The following DAGLB variants were observed in gnomAD, a reference collection of about 807,000 sequenced individuals.
DAGLB encodes the protein diacylglycerol lipase beta, also known as diacylglycerol lipase-beta.
DAGLB carries 66 observed loss-of-function variants against 72.1 expected under a neutral mutation model. The ratio of observed to expected loss-of-function variants is 0.92; its 90% confidence interval spans 0.75 to 1.12. DAGLB has a LOEUF of 1.12. Among genes scored for constraint, DAGLB ranks in the 50% most tolerant of loss-of-function variants. The probability of loss-of-function intolerance (pLI) is 0.00; values close to 1 mark genes in which losing one functional copy is unlikely to be tolerated. For synonymous variants in DAGLB, 414 were observed against 359.5 expected (o/e 1.15, Z -1.71); for missense variants, 1,065 against 884.9 (o/e 1.20, Z -2.58).
In DAGLB at chr7:6,434,950, G is replaced by A. The variant is rs1784607501; in HGVS notation, c.490C>T (p.Pro164Ser). ...VFDPLGGKMA[P>S]YSSAGPSHLD... ...TGGCTGGGGCCGGCAGAGGAATATG[G>A]AGCCATTTTCCCCCCAAGAGGGTCA... The change falls in exon 4 of 15, where the codon CCA becomes TCA. Residue 164 changes from proline to serine, a missense_variant. Pro to Ser is a moderately conservative substitution (Grantham distance 74). Transcript: ENST00000297056. 2 of 1,613,948 alleles carry A rather than the reference G, an allele frequency of 1.2e-6. No individual in the cohort carries two copies. Among genetic ancestry groups the A allele is most frequent in the African/African-American group, 1.3e-5 (1 of 74,882 alleles).
chr7:6,409,902 C>G lies in DAGLB; in HGVS notation c.1954G>C (p.Val652Leu). The change falls in exon 15 of 15, where the codon GTC becomes CTC. Residue 652 changes from valine to leucine, a missense_variant. Transcript: ENST00000297056. ...GAGACGCAGGCCGCTCTGTCGGAGA[C>G]CACGCTGTCCAAGGCCCGCATCAGG... ...DILMRALDSV[V>L]SDRAACVSCP... 1 of 1,614,112 alleles carries G rather than the reference C, an allele frequency of 6.2e-7. No individual in the cohort carries two copies.
intron 6 of DAGLB, 103 bp downstream of exon 6, chr7:6,430,377 T>G (rs986335385): frequency 7.7e-5 from 98 of 1,280,598 alleles, no homozygotes; most frequent in South Asian, 4.8e-4. Context: ...AAAGGATTCA[T>G]GGGAGTTCTT....
At chr7:6,439,654 G>C (rs1403945527) in intron 2 of DAGLB, among the ~76,000 whole-genome samples, 2 of 152,276 alleles carry the variant, frequency 1.3e-5, no homozygotes, top group East Asian at 3.9e-4. Flanking sequence ...TATGTCAAAA[G>C]GGTTCTTCTG....
At chr7:6,417,207 C>T (rs115507337) in intron 9 of DAGLB, 9,772 of 332,356 alleles carry the variant, frequency 0.029, 273 homozygotes, top group East Asian at 0.091. Context: ...CCAGCCTGGG[C>T]GACATAGTCT....
chr7:6,438,731 G>C (rs187230421), intron 2 of DAGLB, among the ~76,000 whole-genome samples: 34 of 152,312 alleles, frequency 2.2e-4, no homozygotes, highest in African/African-American at 7.5e-4. Context: ...CTCTGATTAA[G>C]GTTCCAGAAA....
rs1402677137 is a variant in DAGLB at position 6,409,158 on chromosome 7, T to C, written c.*679A>G. 1.9e-5 allele frequency: 3 copies of C among 153,868 alleles called. No individual in the cohort carries two copies. Among genetic ancestry groups the C allele is most frequent in the Non-Finnish European group, 2.9e-5 (2 of 69,198 alleles). 9.5% of individuals were successfully genotyped at this position (153,868 alleles called of 1,614,324 possible). ...GTGACGCGCGCTTTATTGTTTCAACTCCTGAATCCACTGGCCGACCCCAGA... is the reference window on the plus strand; with the variant it reads ...GTGACGCGCGCTTTATTGTTTCAACCCCTGAATCCACTGGCCGACCCCAGA... On this transcript the variant is annotated 3_prime_UTR_variant, in exon 15 of 15. Transcript: ENST00000297056.
intron 5 of DAGLB, among the ~76,000 whole-genome samples, chr7:6,432,484 C>T (rs1784515236): frequency 1.3e-5 from 2 of 150,256 alleles, no homozygotes; most frequent in Admixed American, 1.3e-4. Flanking sequence ...GGTGAAACCC[C>T]GTCTCTACTA....
At chr7:6,445,266 T>G (rs892854365) in intron 2 of DAGLB, among the ~76,000 whole-genome samples, 2 of 152,218 alleles carry the variant, frequency 1.3e-5, no homozygotes, top group Admixed American at 1.3e-4. Context: ...TAAAATGTGG[T>G]CCATTCATTC....
In DAGLB at chr7:6,426,091, T is replaced by C. The variant is rs766073926; in HGVS notation, c.953A>G (p.Tyr318Cys). The C allele has an allele frequency of 3.7e-6, 6 of 1,613,674 alleles. No individual in the cohort carries two copies. Among genetic ancestry groups the C allele is most frequent in the East Asian group, 4.5e-5 (2 of 44,884 alleles). The change falls in exon 7 of 15, where the codon TAT becomes TGT. Residue 318 changes from tyrosine to cysteine, a missense_variant. Transcript: ENST00000297056. ...GDCCRSRTTD[Y>C]DLVGGDQLNC... is the part of the protein sequence containing the mutation. ...GAGCTGATCGCCTCCGACCAAGTCA[T>C]AGTCTGTGGTTCTGCTTCTGCAGCT...
Position 6,413,293 on chromosome 7 carries a change from A to G in DAGLB, c.1428-259T>C, listed in dbSNP as rs116766804. Among the ~76,000 whole-genome samples the G allele has an allele frequency of 2.1e-3, 320 of 152,288 alleles. 2 individuals carry two copies. The highest frequency in any genetic ancestry group is 7.2e-3 in the African/African-American group (301 of 41,566). ...ACACCAAGGCGGACCAAGCACATGGATCTGTCCTTTGACCCAGAAACCGCG... is the reference window on the plus strand; with the variant it reads ...ACACCAAGGCGGACCAAGCACATGGGTCTGTCCTTTGACCCAGAAACCGCG... On this transcript the variant is annotated intron_variant, in intron 11 of 14. Coordinates refer to ENST00000297056, the MANE Select transcript of DAGLB (RefSeq NM_139179.4).
At chr7:6,430,250 C>CATATACATATATATATATAT (rs1491373912) in intron 6 of DAGLB, among the ~76,000 whole-genome samples, 9 of 45,748 alleles carry the variant, frequency 2.0e-4, no homozygotes, top group African/African-American at 9.3e-4. Flanking sequence ...AATACATGTG[C>CATATACATATATATATATAT]ATATATATAT....
At position 6,445,807 on chromosome 7, in the gene DAGLB, G is replaced by A. The variant is rs1437910117; in HGVS notation, c.247+146C>T. The A allele has an allele frequency of 5.6e-6, 5 of 899,354 alleles. No individual in the cohort carries two copies. The Admixed American group carries it at 1.6e-4, about 28-fold the overall frequency. 55.7% of individuals were successfully genotyped at this position (899,354 alleles called of 1,614,324 possible). Reference sequence around the variant, plus strand: ...GGAGTGAAGAAAATGGTATAAACTTGATGATGGTGATGGCTGCACAACTCT... The same window carrying A: ...GGAGTGAAGAAAATGGTATAAACTTAATGATGGTGATGGCTGCACAACTCT... On this transcript the variant is annotated intron_variant, in intron 2 of 14. Transcript: ENST00000297056.
chr7:6,412,712 A>C, intron 13 of DAGLB, 99 bp downstream of exon 13: 12 of 1,321,414 alleles, frequency 9.1e-6, no homozygotes, highest in South Asian at 1.3e-5. Flanking sequence ...AACAGCATAG[A>C]GTGCCCTGCA....
intron 2 of DAGLB, among the ~76,000 whole-genome samples, chr7:6,442,455 A>C (rs956568413): frequency 6.6e-6 from 1 of 152,138 alleles, no homozygotes; most frequent in Non-Finnish European, 1.5e-5. Flanking sequence ...GGAAAAAAAA[A>C]AGTACACCGA....
intron 6 of DAGLB, among the ~76,000 whole-genome samples, chr7:6,430,167 T>C (rs762454066): frequency 4.0e-5 from 6 of 149,674 alleles, no homozygotes; most frequent in Non-Finnish European, 8.9e-5. Context: ...ATCACGCCAC[T>C]GCACTCCAGC....
chr7:6,425,611 C>G (rs1411237274), intron 7 of DAGLB, among the ~76,000 whole-genome samples: 2 of 152,128 alleles, frequency 1.3e-5, no homozygotes, highest in Non-Finnish European at 2.9e-5. Context: ...GACAGTGACC[C>G]CCCCAGAGTG....
At chr7:6,412,912 G>A (rs1187314581) in intron 12 of DAGLB, 29 bp from the exon 13 acceptor site, 1 of 1,612,246 alleles carries the variant, frequency 6.2e-7, no homozygotes, top group Non-Finnish European at 8.5e-7. Context: ...CACTGAGGCT[G>A]GGACCTGGCA....
At chr7:6,430,282 T>TATATATATATATATATATATATA (rs1583294090) in intron 6 of DAGLB, among the ~76,000 whole-genome samples, 198 bp downstream of exon 6, 1 of 105,798 alleles carries the variant, frequency 9.5e-6, no homozygotes, top group Non-Finnish European at 1.8e-5. Flanking sequence ...TATATATATA[T>TATATATATATATATATATATATA]GCAGGGGGGA....
chr7:6,435,573 G>A (rs1784628665), intron 3 of DAGLB: 1 of 155,726 alleles, frequency 6.4e-6, no homozygotes. Context: ...ACAGGGAGGT[G>A]TCCGCTGGGC....
Sources: gnomAD v4.1 joint callset for allele counts (sites outside exome capture counted in the v4.1 genomes callset) on GRCh38, gnomAD v4.1.1 for gene constraint, MANE v1.5 for transcripts, NCBI Gene and HGNC (gene_info 2026-07-23, HGNC 2026-07-21) for gene names.